The following SMOC2 variants were observed in gnomAD, a reference collection of about 807,000 sequenced individuals.
The protein encoded by SMOC2 is SPARC-related modular calcium-binding protein 2.
A neutral mutation model predicts 61.4 loss-of-function variants in SMOC2; 39 were observed. The observed-to-expected ratio is 0.64, with a 90% CI of 0.49 to 0.83. SMOC2 has a LOEUF of 0.83. Among genes scored for constraint, SMOC2 ranks in the 40% least tolerant of loss-of-function variants. The pLI is 0.00. For missense variants in SMOC2, 556 were observed against 592.9 expected, an observed-to-expected ratio of 0.94 and a Z score of 0.65; for synonymous variants, 247 against 239.9, an observed-to-expected ratio of 1.03 and a Z score of -0.27.
rs1198942662 is a variant in SMOC2 at position 168,667,770 on chromosome 6, T to C, written c.*1332T>C. On this transcript the variant is annotated 3_prime_UTR_variant, in exon 13 of 13. Transcript: ENST00000356284. ...TGAGACATGCCTTGTAGAATGATTT[T>C]GTGATGTTGTGATGCTTGTGGAGCA... The C allele has an allele frequency of 6.6e-6, 1 of 152,174 alleles. No homozygotes were observed. The highest frequency in any genetic ancestry group is 1.5e-5 in the Non-Finnish European group (1 of 68,052). 9.4% of individuals were successfully genotyped at this position (152,174 alleles called of 1,614,324 possible).
At chr6:168,610,130 G>A (rs1017334835) in intron 9 of SMOC2, among the ~76,000 whole-genome samples, 10 of 152,184 alleles carry the variant, frequency 6.6e-5, no homozygotes, top group Non-Finnish European at 1.0e-4. Context: ...GAGTGTCAGA[G>A]GTGCCATTTG....
At chr6:168,636,942 CTCTTCCCTCCTCTT>C in intron 9 of SMOC2, among the ~76,000 whole-genome samples, 4 of 130,424 alleles carry the variant, frequency 3.1e-5, no homozygotes, top group African/African-American at 1.2e-4. Context: ...CCCCACCTCC[CTCTTCCCTCCTCTT>C]TCCTCCCTCC....
chr6:168,462,174 T>C (rs1024701520), intron 1 of SMOC2, among the ~76,000 whole-genome samples: 3 of 152,172 alleles, frequency 2.0e-5, no homozygotes, highest in Non-Finnish European at 4.4e-5. Flanking sequence ...TTTTCATTAC[T>C]GAGTGATTTA....
rs1455334264 is a variant in SMOC2 at position 168,453,016 on chromosome 6, G to T, written c.84+11562G>T. Among the ~76,000 whole-genome samples the T allele has an allele frequency of 6.6e-6, 1 of 152,232 alleles. No homozygotes were observed. The highest frequency in any genetic ancestry group is 2.4e-5 in the African/African-American group (1 of 41,466). On this transcript the variant is annotated intron_variant, in intron 1 of 12. Transcript: ENST00000356284. This position sits in a 1 kb window ranked among gnomAD's most constrained non-coding sequence, Gnocchi z 4.4. ...CCAGTGGCTCTGACAGCAGGGCCGG[G>T]GGCATAGTTCCCTGGAAGTCGGTCT...
In SMOC2 at chr6:168,526,452, G is replaced by A. The variant is rs1391776488; in HGVS notation, c.363G>A (p.Gln121=). 1.2e-6 allele frequency: 2 copies of A among 1,613,760 alleles called. No homozygotes were observed. The highest frequency in any genetic ancestry group is 3.3e-5 in the Admixed American group (2 of 60,026). Residue 121 remains glutamine, a splice_region_variant and synonymous_variant, in exon 3 of 13, where the codon CAG becomes CAA. Transcript: ENST00000356284. The stretch of plus-strand genomic sequence containing the variant: ...GCAATGACGACGGCACCTACAGTCA[G>A]GTTACCGGCCTTGCTTGGGAGGTTC... The part of the protein sequence containing the change: ...PECNDDGTYS[Q]VQCHSYTGYC...
chr6:168,510,617 C>G (rs1242166652), intron 2 of SMOC2, among the ~76,000 whole-genome samples: 2 of 152,122 alleles, frequency 1.3e-5, no homozygotes, highest in African/African-American at 4.8e-5. Flanking sequence ...AGAGATTTAC[C>G]TTGTTTGTCA....
intron 4 of SMOC2, among the ~76,000 whole-genome samples, chr6:168,536,123 T>C (rs9455656): frequency 6.6e-6 from 1 of 152,198 alleles, no homozygotes; most frequent in African/African-American, 2.4e-5. Flanking sequence ...CTGCCGAGTT[T>C]CCAGGCAGCG....
At chr6:168,607,585 GTTT>G (rs5881799) in intron 8 of SMOC2, among the ~76,000 whole-genome samples, 2 of 147,836 alleles carry the variant, frequency 1.4e-5, no homozygotes, top group South Asian at 4.3e-4. Context: ...CCAGAGAGTC[GTTT>G]TTTTTTTTTT....
chr6:168,458,190 C>T (rs1369438459), intron 1 of SMOC2, among the ~76,000 whole-genome samples: 1 of 152,224 alleles, frequency 6.6e-6, no homozygotes, highest in African/African-American at 2.4e-5. Flanking sequence ...CGTACCGGCT[C>T]ATCAGAGAGA....
intron 9 of SMOC2, among the ~76,000 whole-genome samples, chr6:168,615,603 G>T (rs1169836733): frequency 3.0e-5 from 1 of 33,452 alleles, no homozygotes; most frequent in Non-Finnish European, 5.6e-5. Flanking sequence ...AGCCAGCACA[G>T]GGGGCCTCTT....
At chr6:168,487,602 T>C (rs1782365080) in intron 1 of SMOC2, among the ~76,000 whole-genome samples, 1 of 152,160 alleles carries the variant, frequency 6.6e-6, no homozygotes. Flanking sequence ...TCTCCTGGAT[T>C]GAAGCGATTC....
intron 1 of SMOC2, among the ~76,000 whole-genome samples, chr6:168,456,115 T>C (rs1477811760): frequency 1.3e-5 from 2 of 152,334 alleles, no homozygotes; most frequent in Admixed American, 1.3e-4. Context: ...AGTCACTGCT[T>C]GGAGCTGGAC....
intron 9 of SMOC2, among the ~76,000 whole-genome samples, chr6:168,650,247 C>T (rs781669300): frequency 4.6e-5 from 7 of 152,044 alleles, no homozygotes; most frequent in African/African-American, 7.2e-5. Flanking sequence ...CTCTGAGAAG[C>T]GAGGTGGCTC....
intron 1 of SMOC2, 41 bp downstream of exon 1, chr6:168,441,495 G>A (rs1781205683): frequency 4.1e-6 from 6 of 1,456,370 alleles, no homozygotes; most frequent in Non-Finnish European, 5.4e-6. Flanking sequence ...AAGTGGTGCC[G>A]CCTCTTGCAG....
At chr6:168,451,904 C>T (rs185856647) in intron 1 of SMOC2, among the ~76,000 whole-genome samples, 2 of 152,202 alleles carry the variant, frequency 1.3e-5, no homozygotes, top group African/African-American at 4.8e-5. Context: ...ACCACCTACA[C>T]CCTGCTGGAA....
chr6:168,471,013 C>G (rs1253233194), intron 1 of SMOC2, among the ~76,000 whole-genome samples: 3 of 152,146 alleles, frequency 2.0e-5, no homozygotes, highest in African/African-American at 7.2e-5. Context: ...TTTATTACAT[C>G]TGCTAAATTT....
chr6:168,493,108 C>T (rs1782506684), intron 1 of SMOC2, among the ~76,000 whole-genome samples: 1 of 152,020 alleles, frequency 6.6e-6, no homozygotes, highest in African/African-American at 2.4e-5. Flanking sequence ...AGGATCTCAG[C>T]TCACTGCATC....
chr6:168,578,676 C>T (rs9455663), intron 7 of SMOC2, among the ~76,000 whole-genome samples: 2,868 of 152,258 alleles, frequency 0.019, 107 homozygotes, highest in African/African-American at 0.065. Flanking sequence ...TGAGTTATAT[C>T]TTGGGATTAT....
chr6:168,487,111 C>T (rs909571115), intron 1 of SMOC2, among the ~76,000 whole-genome samples: 3 of 152,232 alleles, frequency 2.0e-5, no homozygotes, highest in Non-Finnish European at 4.4e-5. Flanking sequence ...CATCTCAGCA[C>T]TCAAACGTCC....
Sources: allele counts gnomAD v4.1 joint callset (sites outside exome capture counted in the v4.1 genomes callset), GRCh38; gene constraint gnomAD v4.1.1; non-coding constraint Gnocchi (gnomAD v3.1); transcripts MANE v1.5; gene names NCBI Gene and HGNC (gene_info 2026-07-23, HGNC 2026-07-21).